The following FOXH1 variants were observed in gnomAD, a reference collection of about 807,000 sequenced individuals.
The protein encoded by FOXH1 is forkhead box protein H1.
A neutral mutation model predicts 14.2 loss-of-function variants in FOXH1; 10 were observed. The observed-to-expected ratio is 0.70, with a 90% confidence interval of 0.43 to 1.19. FOXH1 has a LOEUF of 1.19. FOXH1 is among the 50% of genes most tolerant of loss of function. FOXH1 has a pLI of 0.00. For missense variants in FOXH1, 643 were observed against 492.1 expected (o/e 1.31, Z -2.90); for synonymous variants, 273 against 209.5 (o/e 1.30, Z -2.62).
In FOXH1 at chr8:144,473,664, G is replaced by A. The variant is rs1217326983; in HGVS notation, c.*574C>T. On this transcript the variant is annotated 3_prime_UTR_variant, in exon 3 of 3. Coordinates refer to ENST00000377317, the MANE Select transcript of FOXH1 (RefSeq NM_003923.3). Reference sequence around the variant, plus strand: ...TGCTGTTATCACGGCACACAGCAGGGAATCCCAGGCCCCCCCGCCAAGTGG... The same window carrying A: ...TGCTGTTATCACGGCACACAGCAGGAAATCCCAGGCCCCCCCGCCAAGTGG... 3 of 495,902 alleles carry A rather than the reference G, an allele frequency of 6.0e-6. No individual in the cohort carries two copies. Among genetic ancestry groups the A allele is most frequent in the Admixed American group, 7.9e-5 (2 of 25,326 alleles). 30.7% of individuals were successfully genotyped at this position (495,902 alleles called of 1,614,324 possible).
Position 144,474,435 on chromosome 8 carries a change from G to A in FOXH1, c.901C>T (p.Pro301Ser), listed in dbSNP as rs201165974. The stretch of plus-strand genomic sequence containing the variant: ...GCAGGGCTGGTTGACGGACACTGGG[G>A]ACAGGAGGTGGGTGGTGGTGCCAAG... ...MPLAPPPTSC[P>S]QCPSTSPAYW... The change falls in exon 3 of 3, where the codon CCC becomes TCC. Residue 301 changes from proline to serine, a missense_variant. By Grantham distance (74) the Pro-to-Ser change is moderately conservative (BLOSUM62 -1). Transcript: ENST00000377317. The A allele has an allele frequency of 1.4e-5, 23 of 1,613,068 alleles. No individual in the cohort carries two copies. Among genetic ancestry groups the A allele is most frequent in the Admixed American group, 1.0e-4 (6 of 60,010 alleles).
rs1564752412 is a variant in FOXH1 at position 144,475,183 on chromosome 8, GGTT to G, written c.250_252del (p.Asn84del). The G allele has an allele frequency of 1.9e-6, 3 of 1,613,680 alleles. No homozygotes were observed. In the Admixed American group the frequency reaches 5.0e-5, roughly 27 times the overall value. On this transcript the variant is annotated inframe_deletion, in exon 2 of 3. Coordinates refer to ENST00000377317, the MANE Select transcript of FOXH1 (RefSeq NM_003923.3). ...TTGCGGAAGCATCGGTTGGAGGAAA[GGTT>G]GTGGCGAATGGAGTCTTTCCAGCCC...
At position 144,474,884 on chromosome 8, in the gene FOXH1, C is replaced by G; in HGVS notation, c.452G>C (p.Gly151Ala). Residue 151 changes from glycine to alanine, a missense_variant, in exon 3 of 3, where the codon GGC (glycine) becomes GCC (alanine). Coordinates refer to ENST00000377317, the MANE Select transcript of FOXH1 (RefSeq NM_003923.3). ...AKDLGPYVLH[G>A]RPYRPPSPPP... ...GGGACTGGGCGGCCGGTATGGCCGG[C>G]CGTGCAGCACGTAGGGGCCCAGGTC... The G allele has an allele frequency of 6.2e-7, 1 of 1,610,662 alleles. No individual in the cohort carries two copies. The highest frequency in any genetic ancestry group is 8.5e-7 in the Non-Finnish European group (1 of 1,179,626).
At position 144,474,869 on chromosome 8, in the gene FOXH1, G is replaced by A. The variant is rs1394037703; in HGVS notation, c.467C>T (p.Pro156Leu). Residue 156 changes from proline (P) to leucine (L), a missense_variant, in exon 3 of 3, where the codon CCG becomes CTG. Coordinates refer to ENST00000377317, the MANE Select transcript of FOXH1 (RefSeq NM_003923.3). ...ACTGGGTGGTGGCGGGGGACTGGGC[G>A]GCCGGTATGGCCGGCCGTGCAGCAC... ...PYVLHGRPYRPPSPPPPPSEG... is the reference protein window; with the variant it reads ...PYVLHGRPYRLPSPPPPPSEG... 2 of 1,611,148 alleles carry A rather than the reference G, an allele frequency of 1.2e-6. No homozygotes were observed. The highest frequency in any genetic ancestry group is 2.2e-5 in the East Asian group (1 of 44,866).
At chr8:144,475,435 G>A in intron 1 of FOXH1, 148 bp downstream of exon 1, 1 of 838,594 alleles carries the variant, frequency 1.2e-6, no homozygotes, top group East Asian at 2.7e-5. Flanking sequence ...CCCGGAGAAG[G>A]GTCGTGCCTT....
rs1159436074 is a variant in FOXH1, at chr8:144,475,709, C to T, written c.48G>A (p.Ser16=). ...GSRLGPPEAE[S]PSQPPKRRKK... ...TCCTCCTCTTAGGGGGCTGGGAGGGCGACTCTGCCTCTGGGGGCCCCAGGC... is the reference window on the plus strand; with the variant it reads ...TCCTCCTCTTAGGGGGCTGGGAGGGTGACTCTGCCTCTGGGGGCCCCAGGC... Residue 16 remains serine, a synonymous_variant, in exon 1 of 3, where the codon TCG becomes TCA. Transcript: ENST00000377317. 1.7e-5 allele frequency: 24 copies of T among 1,413,406 alleles called. No homozygotes were observed. The highest frequency in any genetic ancestry group is 3.4e-5 in the South Asian group (2 of 58,906). 87.6% of individuals were successfully genotyped at this position (1,413,406 alleles called of 1,614,324 possible).
At position 144,474,730 on chromosome 8, in the gene FOXH1, C is replaced by T. The variant is rs201853328; in HGVS notation, c.606G>A (p.Glu202=). 5.8e-6 allele frequency: 9 copies of T among 1,551,350 alleles called. No individual in the cohort carries two copies. The East Asian group carries it at 2.1e-4, about 36-fold the overall frequency. ...AGGGAAGGGGTGGGGTGGGCACCGC[C>T]TCCTCCCCACTGTTCCCTGTGCCTG... ...VPAGTGNSGE[E]AVPTPPLPSS... is the part of the protein sequence containing the mutation. The change falls in exon 3 of 3, where the codon GAG becomes GAA. Residue 202 remains glutamate (E), a synonymous_variant. Transcript: ENST00000377317.
Position 144,475,324 on chromosome 8 carries a change from C to G in FOXH1, c.175-63G>C, listed in dbSNP as rs539969191. ...AGACGGGGAGGGGGTAGCGCCCTACCCCTCCCCCACTACCGGGCTCAGGGG... is the reference window on the plus strand; with the variant it reads ...AGACGGGGAGGGGGTAGCGCCCTACGCCTCCCCCACTACCGGGCTCAGGGG... On this transcript the variant is annotated intron_variant, in intron 1 of 2. Transcript: ENST00000377317. The G allele has an allele frequency of 1.0e-5, 14 of 1,358,212 alleles. No individual in the cohort carries two copies. In the African/African-American group the frequency reaches 1.7e-4, roughly 17 times the overall value. 84.1% of individuals were successfully genotyped at this position (1,358,212 alleles called of 1,614,324 possible).
chr8:144,475,556 A>G (rs1168738989), intron 1 of FOXH1, 27 bp downstream of exon 1: 1 of 1,445,008 alleles, frequency 6.9e-7, no homozygotes, highest in South Asian at 1.5e-5. Flanking sequence ...CTGGGGAAAG[A>G]GAGAGTGGGG....
chr8:144,475,311 G>T (rs371681768), intron 1 of FOXH1, 50 bp from the exon 2 acceptor site: 7 of 1,470,454 alleles, frequency 4.8e-6, no homozygotes, highest in South Asian at 4.7e-5. Flanking sequence ...ACGGGGAGGG[G>T]GTAGCGCCCT....
At position 144,474,384 on chromosome 8, in the gene FOXH1, G is replaced by A. The variant is rs773040725; in HGVS notation, c.952C>T (p.Arg318Ter). 2.5e-6 allele frequency: 4 copies of A among 1,613,226 alleles called. No homozygotes were observed. Among genetic ancestry groups the A allele is most frequent in the Admixed American group, 1.7e-5 (1 of 60,030 alleles). The part of the protein sequence containing the change: ...PAYWGVAPET[R>*]GPPGLLCDLD... ...TCGCAGAGCAGCCCTGGGGGCCCTC[G>A]GGTTTCAGGGGCCACCCCCCAGTAG... is the stretch of plus-strand genomic sequence containing the variant. Residue 318 changes from arginine (R) to a stop codon, truncating the protein, a stop_gained, in exon 3 of 3, where the codon CGA (arginine) becomes TGA (stop). Coordinates refer to ENST00000377317, the MANE Select transcript of FOXH1 (RefSeq NM_003923.3). LOFTEE classifies it high-confidence loss of function.
At position 144,474,063 on chromosome 8, in the gene FOXH1, C is replaced by T; in HGVS notation, c.*175G>A. On this transcript the variant is annotated 3_prime_UTR_variant, in exon 3 of 3. Transcript: ENST00000377317. ...TGACAGACCAGGGTGAGGGTTGTGCCCAGCTGGGCCACGGCCATGCGTGGG... is the reference window on the plus strand; with the variant it reads ...TGACAGACCAGGGTGAGGGTTGTGCTCAGCTGGGCCACGGCCATGCGTGGG... 1.6e-6 allele frequency: 1 copy of T among 606,272 alleles called. No homozygotes were observed. Among genetic ancestry groups the T allele is most frequent in the Non-Finnish European group, 2.9e-6 (1 of 344,608 alleles). The allele number at this position is 606,272 out of a possible 1,614,324, so 37.6% of individuals were successfully genotyped here. A position where few individuals can be genotyped will look rare whatever the true frequency, so the allele number is the denominator to read the frequency against.
In FOXH1 at chr8:144,474,265, G is replaced by A. The variant is rs138782042; in HGVS notation, c.1071C>T (p.Gly357=). The change falls in exon 3 of 3, where the codon GGC becomes GGT. Residue 357 remains glycine (G), a synonymous_variant. Transcript: ENST00000377317. ...HPRDLAAPGP[G]WLLSWCSL ...ACAGGCTGCACCAGGAGAGCAGCCA[G>A]CCTGGGCCAGGGGCCGCCAGGTCCC... The A allele has an allele frequency of 1.0e-5, 16 of 1,591,782 alleles. No homozygotes were observed. The African/African-American group carries it at 1.6e-4, about 16-fold the overall frequency.
Position 144,474,917 on chromosome 8 carries a change from A to C in FOXH1, c.419T>G (p.Phe140Cys). 2 of 1,609,222 alleles carry C rather than the reference A, an allele frequency of 1.2e-6. No individual in the cohort carries two copies. Among genetic ancestry groups the C allele is most frequent in the South Asian group, 2.2e-5 (2 of 90,866 alleles). Residue 140 changes from phenylalanine (F) to cysteine (C), a missense_variant, in exon 3 of 3, where the codon TTC becomes TGC. Physicochemically the swap from Phe to Cys is radical, Grantham distance 205 (BLOSUM62 -2). Transcript: ENST00000377317. ...CACGTAGGGGCCCAGGTCCTTGGCGAAGGCTCCACGCGCACCTCCGTTCTG... is the reference window on the plus strand; with the variant it reads ...CACGTAGGGGCCCAGGTCCTTGGCGCAGGCTCCACGCGCACCTCCGTTCTG... ...RWQNGGARGA[F>C]AKDLGPYVLH...
chr8:144,474,774 G>A lies in FOXH1; in HGVS notation c.562C>T (p.Gln188Ter). Residue 188 changes from glutamine to a stop codon, truncating the protein, a stop_gained, in exon 3 of 3, where the codon CAG becomes TAG. Coordinates refer to ENST00000377317, the MANE Select transcript of FOXH1 (RefSeq NM_003923.3). LOFTEE classifies it low-confidence loss of function (END_TRUNC). Reference protein sequence around the residue: ...EGAPWPGLAPQSSPVPAGTGN... With the variant: ...EGAPWPGLAP Reference sequence around the variant, plus strand: ...GTGCCTGCAGGAACTGGGCTGCTCTGTGGAGCTAGCCCCGGCCAGGGTGCC... The same window carrying A: ...GTGCCTGCAGGAACTGGGCTGCTCTATGGAGCTAGCCCCGGCCAGGGTGCC... The A allele has an allele frequency of 6.3e-7, 1 of 1,597,450 alleles. No individual in the cohort carries two copies. The highest frequency in any genetic ancestry group is 8.5e-7 in the Non-Finnish European group (1 of 1,171,408).
Position 144,474,791 on chromosome 8 carries a change from C to G in FOXH1, c.545G>C (p.Trp182Ser), listed in dbSNP as rs1302890936. 1 of 1,604,108 alleles carries G rather than the reference C, an allele frequency of 6.2e-7. No individual in the cohort carries two copies. Among genetic ancestry groups the G allele is most frequent in the Admixed American group, 1.7e-5 (1 of 59,344 alleles). The change falls in exon 3 of 3, where the codon TGG becomes TCG. Residue 182 changes from tryptophan to serine, a missense_variant. Transcript: ENST00000377317. ...LLGGSGEGAP[W>S]PGLAPQSSPV... ...GCTGCTCTGTGGAGCTAGCCCCGGC[C>G]AGGGTGCCCCCTCCCCGGACCCTCC... is the stretch of plus-strand genomic sequence containing the variant.
chr8:144,473,414 G>A lies in FOXH1; in HGVS notation c.*824C>T. 1 of 1,566,668 alleles carries A rather than the reference G, an allele frequency of 6.4e-7. No individual in the cohort carries two copies. The highest frequency in any genetic ancestry group is 8.6e-7 in the Non-Finnish European group (1 of 1,162,418). On this transcript the variant is annotated 3_prime_UTR_variant, in exon 3 of 3. Coordinates refer to ENST00000377317, the MANE Select transcript of FOXH1 (RefSeq NM_003923.3). ...GTCCTGGGTCGCGGCCCTGCCCATG[G>A]GGTCTCAGGCCAGGTCTCTGCTGGC...
rs1425669050 is a variant in FOXH1 at position 144,473,730 on chromosome 8, C to T, written c.*508G>A. 2.2e-6 allele frequency: 1 copy of T among 456,852 alleles called. No individual in the cohort carries two copies. Among genetic ancestry groups the T allele is most frequent in the African/African-American group, 2.0e-5 (1 of 49,214 alleles). The allele number at this position is 456,852 out of a possible 1,614,324, so 28.3% of individuals were successfully genotyped here. The stretch of plus-strand genomic sequence containing the variant: ...CTCCTGACCCAAAAATCAGGCATGG[C>T]ATTAAAACGTTGCAAATTCCTTTAC... On this transcript the variant is annotated 3_prime_UTR_variant, in exon 3 of 3. Transcript: ENST00000377317.
At position 144,473,580 on chromosome 8, in the gene FOXH1, A is replaced by ACCCCCCACCCC. The variant is rs1425212753; in HGVS notation, c.*657_*658insGGGGTGGGGGG. On this transcript the variant is annotated 3_prime_UTR_variant, in exon 3 of 3. Transcript: ENST00000377317. Reference sequence around the variant, plus strand: ...GTGTGTTGTGCCTGCTGAAGTGATCACCCCCCGCCCCCAGCCCTGCATCAG... The same window carrying ACCCCCCACCCC: ...GTGTGTTGTGCCTGCTGAAGTGATCACCCCCCACCCCCCCCCCGCCCCCAGCCCTGCATCAG... The ACCCCCCACCCC allele has an allele frequency of 1.3e-6, 1 of 785,432 alleles. No homozygotes were observed. Among genetic ancestry groups the ACCCCCCACCCC allele is most frequent in the Non-Finnish European group, 1.8e-6 (1 of 543,538 alleles). The allele number at this position is 785,432 out of a possible 1,614,324, so 48.7% of individuals were successfully genotyped here.
Sources: allele counts gnomAD v4.1 joint callset, GRCh38; gene constraint gnomAD v4.1.1; transcripts MANE v1.5; gene names NCBI Gene and HGNC (gene_info 2026-07-23, HGNC 2026-07-21).